The following ERAP1 variants were observed in gnomAD, a reference collection of about 807,000 sequenced individuals.
ERAP1 encodes adipocyte-derived leucine aminopeptidase.
ERAP1 carries 86 observed loss-of-function variants against 103.7 expected under a neutral mutation model. That is an observed-to-expected ratio of 0.83 (90% confidence interval 0.70 to 0.99). The LOEUF (loss-of-function observed/expected upper bound fraction) is 0.99, where lower values mean the gene tolerates loss of function less well. Among genes scored for constraint, ERAP1 ranks in the 50% least tolerant of loss-of-function variants. The pLI is 0.00. For synonymous variants in ERAP1, 398 were observed against 402.4 expected, an observed-to-expected ratio of 0.99 and a Z score of 0.13; for missense variants, 1,009 against 1,128.4, an observed-to-expected ratio of 0.89 and a Z score of 1.52.
the ERAP1 span, among the ~76,000 whole-genome samples, chr5:96,838,653 C>T: frequency 6.6e-6 from 1 of 151,996 alleles, no homozygotes. Flanking sequence ...TTATTACTTC[C>T]TTCCATATAT....
At chr5:96,853,533 G>A in the ERAP1 span, among the ~76,000 whole-genome samples, 2 of 152,130 alleles carry the variant, frequency 1.3e-5, no homozygotes, top group Non-Finnish European at 2.9e-5. Context: ...AGAACTGGGA[G>A]ATATAAAAGC....
the ERAP1 span, chr5:96,902,669 G>A: frequency 5.2e-6 from 1 of 192,824 alleles, no homozygotes; most frequent in Non-Finnish European, 1.1e-5. Context: ...AAAATGTTCA[G>A]TGGAAAAAAG....
At chr5:96,907,025 T>G in the ERAP1 span, among the ~76,000 whole-genome samples, 7 of 152,144 alleles carry the variant, frequency 4.6e-5, no homozygotes, top group Admixed American at 3.3e-4. Context: ...TGAAACTCCA[T>G]CTCAAAAACA....
the ERAP1 span, chr5:96,912,705 T>G: frequency 4.4e-6 from 7 of 1,607,706 alleles, no homozygotes; most frequent in Non-Finnish European, 5.9e-6. Context: ...TGGAATTACC[T>G]TTTAGAGCAA....
rs956104220 is a variant in ERAP1 at position 96,778,770 on chromosome 5, G to A, written c.2670+1653C>T. ...GACACTATTGCAATAGGCAAGGCAAGAGATGAGAAAGGATTGAATGGGGGT... is the reference window on the plus strand; with the variant it reads ...GACACTATTGCAATAGGCAAGGCAAAAGATGAGAAAGGATTGAATGGGGGT... On this transcript the variant is annotated intron_variant, in intron 18 of 18. Transcript: ENST00000443439. Among the ~76,000 whole-genome samples, 3 of 152,232 alleles carry A rather than the reference G, an allele frequency of 2.0e-5. No individual in the cohort carries two copies. In the East Asian group the frequency reaches 5.8e-4, roughly 29 times the overall value.
chr5:96,825,301 C>T, the ERAP1 span, among the ~76,000 whole-genome samples: 1 of 152,148 alleles, frequency 6.6e-6, no homozygotes, highest in African/African-American at 2.4e-5. Context: ...TTCCAGCTAT[C>T]TTTCTGTTAT....
chr5:96,868,937 ATTATC>A, the ERAP1 span, among the ~76,000 whole-genome samples: 1 of 151,998 alleles, frequency 6.6e-6, no homozygotes, highest in African/African-American at 2.4e-5. Context: ...TATAAATCTG[ATTATC>A]TTAAGTCTGG....
At chr5:96,838,254 GTTAC>G in the ERAP1 span, among the ~76,000 whole-genome samples, 2 of 152,106 alleles carry the variant, frequency 1.3e-5, no homozygotes, top group Non-Finnish European at 2.9e-5. Context: ...TGTCGAATGG[GTTAC>G]CAAGGCTGCC....
chr5:96,864,035 A>G, the ERAP1 span, among the ~76,000 whole-genome samples: 1 of 152,222 alleles, frequency 6.6e-6, no homozygotes, highest in Admixed American at 6.5e-5. Context: ...ATGTGCATAT[A>G]CTGTTGTGAT....
At chr5:96,874,084 AAAGAG>A in the ERAP1 span, among the ~76,000 whole-genome samples, 1 of 151,346 alleles carries the variant, frequency 6.6e-6, no homozygotes, top group Non-Finnish European at 1.5e-5. Context: ...ATCCCAAAGA[AAAGAG>A]AAGAGAAAAG....
intron 12 of ERAP1, 126 bp downstream of exon 12, chr5:96,786,344 C>T (rs1284591815): frequency 1.1e-5 from 8 of 700,212 alleles, no homozygotes; most frequent in East Asian, 2.7e-5. Context: ...TCTTTGAAAC[C>T]AGAAAGCATT....
the ERAP1 span, among the ~76,000 whole-genome samples, chr5:96,864,029 G>T: frequency 2.6e-5 from 4 of 151,778 alleles, no homozygotes; most frequent in Non-Finnish European, 5.9e-5. Flanking sequence ...TTTACCATGT[G>T]CATATACTGT....
upstream of ERAP1, among the ~76,000 whole-genome samples, chr5:96,810,238 A>G (rs1285939081): frequency 1.3e-5 from 2 of 152,220 alleles, no homozygotes; most frequent in African/African-American, 4.8e-5. Flanking sequence ...GATGTAGAGG[A>G]CACAGACCTT....
chr5:96,826,361 G>C, the ERAP1 span, among the ~76,000 whole-genome samples: 1 of 152,200 alleles, frequency 6.6e-6, no homozygotes, highest in Non-Finnish European at 1.5e-5. Context: ...TATTTGGGCA[G>C]AGAGAATTTC....
intron 2 of ERAP1, among the ~76,000 whole-genome samples, chr5:96,803,003 A>G (rs10476691): frequency 6.9e-4 from 105 of 152,084 alleles, no homozygotes; most frequent in African/African-American, 2.4e-3. Flanking sequence ...GCCTGCTGAC[A>G]CCTTGATTTC....
chr5:96,905,238 G>A, the ERAP1 span, among the ~76,000 whole-genome samples: 1 of 152,168 alleles, frequency 6.6e-6, no homozygotes, highest in Non-Finnish European at 1.5e-5. Flanking sequence ...TGAGAAAAAG[G>A]CAGAATGTAA....
At chr5:96,887,440 A>G in the ERAP1 span, among the ~76,000 whole-genome samples, 4 of 152,012 alleles carry the variant, frequency 2.6e-5, no homozygotes, top group Middle Eastern at 3.4e-3. Context: ...AGCTGGGACT[A>G]CAAACACAGG....
In ERAP1 at chr5:96,774,875, A is replaced by AT. The variant is rs766502234; in HGVS notation, c.*1520dup. The AT allele has an allele frequency of 1.0e-5, 10 of 985,240 alleles. No individual in the cohort carries two copies. Among genetic ancestry groups the AT allele is most frequent in the African/African-American group, 5.2e-5 (3 of 57,214 alleles). 61.0% of individuals were successfully genotyped at this position (985,240 alleles called of 1,614,324 possible). ...CAGATTTATGTCCAGAAGTCACTCTATTTTGTCGTGTATTAGGGGAACACA... is the reference window on the plus strand; with the variant it reads ...CAGATTTATGTCCAGAAGTCACTCTATTTTTGTCGTGTATTAGGGGAACACA... On this transcript the variant is annotated 3_prime_UTR_variant, in exon 19 of 19. Transcript: ENST00000443439.
chr5:96,896,037 GT>G, the ERAP1 span, among the ~76,000 whole-genome samples: 1 of 152,152 alleles, frequency 6.6e-6, no homozygotes, highest in Admixed American at 6.5e-5. Flanking sequence ...CCTTGCAGAG[GT>G]GTTGACAGGA....
Sources: gnomAD v4.1 joint callset for allele counts (sites outside exome capture counted in the v4.1 genomes callset) on GRCh38, gnomAD v4.1.1 for gene constraint, MANE v1.5 for transcripts, NCBI Gene and HGNC (gene_info 2026-07-23, HGNC 2026-07-21) for gene names.